Variants in KLF8 observed in about 807,000 individuals in gnomAD.
KLF8 encodes KLF transcription factor 8.
KLF8 carries 10 observed loss-of-function variants against 18.2 expected under a neutral mutation model. The ratio of observed to expected loss-of-function variants is 0.55; its 90% CI spans 0.34 to 0.93. The LOEUF is 0.93. Ranked by LOEUF, KLF8 falls within the 40% of genes least tolerant of loss-of-function variation. The probability of loss-of-function intolerance (pLI) is 0.02; values close to 1 mark genes in which losing one functional copy is unlikely to be tolerated. For missense variants in KLF8, 264 were observed against 277.9 expected (o/e 0.95, Z 0.36); for synonymous variants, 109 against 97.3 (o/e 1.12, Z -0.71).
chrX:56,153,752 C>G, the KLF8 span, among the ~76,000 whole-genome samples: 2 of 111,313 alleles, frequency 1.8e-5, no homozygotes, highest in Admixed American at 9.6e-5. Context: ...CAAAATCAAT[C>G]TGCAAAAATC....
At chrX:56,081,888 A>T in the KLF8 span, among the ~76,000 whole-genome samples, 3 of 111,938 alleles carry the variant, frequency 2.7e-5, no homozygotes, top group African/African-American at 9.7e-5. Flanking sequence ...TTTTGCATCA[A>T]CATTCATAGT....
chrX:56,188,841 C>G, the KLF8 span, among the ~76,000 whole-genome samples: 1 of 111,959 alleles, frequency 8.9e-6, no homozygotes, highest in African/African-American at 3.2e-5. Flanking sequence ...AACTGGATCC[C>G]TTCCTTACAC....
At chrX:56,159,956 C>T in the KLF8 span, among the ~76,000 whole-genome samples, 52 of 111,226 alleles carry the variant, frequency 4.7e-4, no homozygotes, top group East Asian at 0.014. Context: ...ACTCTTGCTT[C>T]TCTAGTTCTT....
At chrX:56,133,552 A>C in the KLF8 span, among the ~76,000 whole-genome samples, 1 of 111,862 alleles carries the variant, frequency 8.9e-6, no homozygotes, top group South Asian at 3.7e-4. Context: ...ACCCACAGCC[A>C]ACATAATACT....
the KLF8 span, among the ~76,000 whole-genome samples, chrX:56,029,338 T>C: frequency 8.9e-6 from 1 of 111,745 alleles, no homozygotes; most frequent in Non-Finnish European, 1.9e-5. Context: ...GCTAAGCAAG[T>C]CTCTGCCTAA....
chrX:56,080,277 T>G, the KLF8 span, among the ~76,000 whole-genome samples: 1 of 111,462 alleles, frequency 9.0e-6, no homozygotes, highest in South Asian at 3.9e-4. Context: ...GATTTTGCAG[T>G]GGCTGGTACC....
the KLF8 span, among the ~76,000 whole-genome samples, chrX:56,157,887 G>T: frequency 9.0e-5 from 10 of 110,616 alleles, no homozygotes; most frequent in Non-Finnish European, 1.3e-4. Context: ...AGAAGCTCTT[G>T]AGTTTAATTA....
chrX:55,977,320 A>G, the KLF8 span, among the ~76,000 whole-genome samples: 1 of 112,005 alleles, frequency 8.9e-6, no homozygotes, highest in Non-Finnish European at 1.9e-5. Flanking sequence ...CTGGGAATGT[A>G]TTCATTTCTT....
the KLF8 span, among the ~76,000 whole-genome samples, chrX:56,008,602 G>T: frequency 8.9e-6 from 1 of 112,093 alleles, no homozygotes; most frequent in Non-Finnish European, 1.9e-5. Context: ...GATTATCAGT[G>T]GCCACTTGGC....
chrX:56,116,641 A>ATG, the KLF8 span, among the ~76,000 whole-genome samples: 1 of 89,456 alleles, frequency 1.1e-5, no homozygotes, highest in Non-Finnish European at 2.1e-5. Flanking sequence ...TCTGATATAT[A>ATG]TATATATATA....
the KLF8 span, among the ~76,000 whole-genome samples, chrX:56,089,978 C>T: frequency 8.9e-6 from 1 of 111,758 alleles, no homozygotes; most frequent in South Asian, 3.7e-4. Context: ...AACTATTTTG[C>T]CAGAAGCTAA....
At chrX:56,248,139 T>A (rs1252813806) in intron 1 of KLF8, among the ~76,000 whole-genome samples, 1 of 110,130 alleles carries the variant, frequency 9.1e-6, no homozygotes, top group Non-Finnish European at 1.9e-5. Flanking sequence ...AAGGGGAACA[T>A]CACACACTGG....
the KLF8 span, among the ~76,000 whole-genome samples, chrX:56,137,649 G>T: frequency 9.5e-6 from 1 of 105,471 alleles, no homozygotes; most frequent in Non-Finnish European, 1.9e-5. Context: ...TATACCTAAT[G>T]CTAGATGATG....
At chrX:56,056,963 C>T in the KLF8 span, among the ~76,000 whole-genome samples, 6 of 111,091 alleles carry the variant, frequency 5.4e-5, no homozygotes, top group Middle Eastern at 4.6e-3. Context: ...AGAATCTGTT[C>T]GTTTTTGCAT....
the KLF8 span, among the ~76,000 whole-genome samples, chrX:55,964,633 A>T: frequency 3.6e-5 from 4 of 111,438 alleles, no homozygotes; most frequent in Non-Finnish European, 5.6e-5. Context: ...GTTTCTTGAA[A>T]GAATAAATAA....
the KLF8 span, among the ~76,000 whole-genome samples, chrX:56,006,738 TA>T: frequency 8.9e-6 from 1 of 112,794 alleles, no homozygotes. Context: ...TTCCAGATAT[TA>T]GTCACTTGTT....
chrX:55,957,001 G>GT, the KLF8 span, among the ~76,000 whole-genome samples: 2 of 109,999 alleles, frequency 1.8e-5, no homozygotes, highest in Admixed American at 9.7e-5. Flanking sequence ...TTCCCCCAGT[G>GT]TTTTTTTTAG....
chrX:56,138,082 A>G, the KLF8 span, among the ~76,000 whole-genome samples: 1 of 101,913 alleles, frequency 9.8e-6, no homozygotes, highest in African/African-American at 3.6e-5. Context: ...AGAGACTATT[A>G]TGAGCACATC....
chrX:56,140,399 G>T, the KLF8 span, among the ~76,000 whole-genome samples: 2 of 111,815 alleles, frequency 1.8e-5, no homozygotes, highest in African/African-American at 3.3e-5. Context: ...AACATGATAC[G>T]TATGCATGAT....
Sources: gnomAD v4.1 joint callset for allele counts (sites outside exome capture counted in the v4.1 genomes callset) on GRCh38, gnomAD v4.1.1 for gene constraint, MANE v1.5 for transcripts, NCBI Gene and HGNC (gene_info 2026-07-23, HGNC 2026-07-21) for gene names.